The following CAMKMT variants were observed in gnomAD, a reference collection of about 807,000 sequenced individuals.
CAMKMT encodes the protein calmodulin-lysine N-methyltransferase.
In CAMKMT, 53 loss-of-function variants were observed where a neutral mutation model predicts 48.0. The ratio of observed to expected loss-of-function variants is 1.10; its 90% CI spans 0.89 to 1.39. The LOEUF (loss-of-function observed/expected upper bound fraction) is 1.39, where lower values mean the gene tolerates loss of function less well. CAMKMT is among the 40% of genes most tolerant of loss of function. The probability of loss-of-function intolerance (pLI) is 0.00; values close to 1 mark genes in which losing one functional copy is unlikely to be tolerated. For synonymous variants in CAMKMT, 165 were observed against 152.3 expected, an observed-to-expected ratio of 1.08 and a Z score of -0.61; for missense variants, 428 against 402.7, an observed-to-expected ratio of 1.06 and a Z score of -0.54.
chr2:44,715,129 G>A (rs570188554), intron 6 of CAMKMT, among the ~76,000 whole-genome samples, 158 bp from the exon 7 acceptor site: 5 of 151,304 alleles, frequency 3.3e-5, no homozygotes, highest in Admixed American at 1.3e-4. Flanking sequence ...GGAGGTAGAG[G>A]GTGCAGTGAG....
intron 3 of CAMKMT, among the ~76,000 whole-genome samples, chr2:44,584,992 T>C (rs1448430326): frequency 6.6e-6 from 1 of 151,512 alleles, no homozygotes; most frequent in Non-Finnish European, 1.5e-5. Context: ...GAGGCGGAGG[T>C]TGCAGTGAGC....
At chr2:44,573,029 G>A (rs895293552) in intron 3 of CAMKMT, among the ~76,000 whole-genome samples, 4 of 151,702 alleles carry the variant, frequency 2.6e-5, no homozygotes, top group Non-Finnish European at 5.9e-5. Context: ...CTTTTCGTGT[G>A]CTGCTATTAC....
chr2:44,424,022 G>A (rs532257701), intron 3 of CAMKMT, among the ~76,000 whole-genome samples: 34 of 152,096 alleles, frequency 2.2e-4, no homozygotes, highest in Non-Finnish European at 2.5e-4. Flanking sequence ...TGAATAATTA[G>A]CATGTATATT....
chr2:44,428,454 T>G (rs1572851002), intron 3 of CAMKMT, among the ~76,000 whole-genome samples: 1 of 152,086 alleles, frequency 6.6e-6, no homozygotes, highest in South Asian at 2.1e-4. Flanking sequence ...TGATAGGAAG[T>G]GTGGGGGGCA....
intron 3 of CAMKMT, among the ~76,000 whole-genome samples, chr2:44,445,973 A>G (rs989560534): frequency 2.0e-4 from 31 of 152,114 alleles, no homozygotes; most frequent in Admixed American, 9.2e-4. Flanking sequence ...AGCAGTTAAG[A>G]TCTGTCTTCA....
intron 1 of CAMKMT, among the ~76,000 whole-genome samples, chr2:44,366,296 C>G (rs530598481): frequency 1.3e-5 from 2 of 152,348 alleles, no homozygotes; most frequent in African/African-American, 4.8e-5. Context: ...CAACTTGACA[C>G]TGGCGTCAGA....
intron 3 of CAMKMT, among the ~76,000 whole-genome samples, chr2:44,466,858 A>C (rs536894721): frequency 6.6e-6 from 1 of 152,214 alleles, no homozygotes; most frequent in African/African-American, 2.4e-5. Context: ...GAAAAGGACT[A>C]TAAGAGACTA....
chr2:44,456,473 T>C (rs1206165101), intron 3 of CAMKMT: 3 of 1,448,270 alleles, frequency 2.1e-6, no homozygotes, highest in East Asian at 5.0e-5. Context: ...AATATGTACA[T>C]TCTTGTGAAA....
chr2:44,529,784 C>T (rs1666383270), intron 3 of CAMKMT, among the ~76,000 whole-genome samples: 2 of 152,114 alleles, frequency 1.3e-5, no homozygotes, highest in Admixed American at 6.6e-5. Context: ...TTTCCAGTAA[C>T]TAAAAGGTTT....
chr2:44,394,425 GA>G (rs1572742512), intron 3 of CAMKMT, among the ~76,000 whole-genome samples: 1 of 16,604 alleles, frequency 6.0e-5, no homozygotes, highest in East Asian at 4.1e-4. Flanking sequence ...TTCTAAGACT[GA>G]CCAGGATTTT....
At chr2:44,583,769 C>G (rs1255877524) in intron 3 of CAMKMT, among the ~76,000 whole-genome samples, 1 of 151,952 alleles carries the variant, frequency 6.6e-6, no homozygotes, top group Admixed American at 6.6e-5. Flanking sequence ...GCACCGCATC[C>G]TGGGCAACAG....
At chr2:44,507,651 C>G (rs1037828876) in intron 3 of CAMKMT, among the ~76,000 whole-genome samples, 12 of 152,102 alleles carry the variant, frequency 7.9e-5, no homozygotes, top group African/African-American at 2.4e-4. Flanking sequence ...TATAAGCACT[C>G]TACATGTTTC....
At chr2:44,582,690 T>A (rs1480600769) in intron 3 of CAMKMT, among the ~76,000 whole-genome samples, 1 of 152,216 alleles carries the variant, frequency 6.6e-6, no homozygotes, top group African/African-American at 2.4e-5. Context: ...AAGTGACTGA[T>A]CTCTTACCCA....
rs189122145 is a variant in CAMKMT at position 44,520,773 on chromosome 2, A to C, written c.376+130468A>C. ...CAAGTGTCAAGGTAGGGACAGGTGG[A>C]GGTAATTGGATCATGGGGGCAGTTC... On this transcript the variant is annotated intron_variant, in intron 3 of 10. Transcript: ENST00000378494. 8.5e-5 allele frequency among the ~76,000 whole-genome samples: 13 copies of C among 152,268 alleles called. No homozygotes were observed. In the South Asian group the frequency reaches 2.5e-3, roughly 29 times the overall value.
Position 44,574,768 on chromosome 2 carries a change from T to A in CAMKMT, c.377-129515T>A, listed in dbSNP as rs980057681. 9.9e-5 allele frequency among the ~76,000 whole-genome samples: 15 copies of A among 151,908 alleles called. 1 individual carries two copies. In the East Asian group the frequency reaches 2.7e-3, roughly 27 times the overall value. On this transcript the variant is annotated intron_variant, in intron 3 of 10. Transcript: ENST00000378494. ...AATTAATTAATTAATTGAGATGGAG[T>A]CTAGCTCTGTCTGCCAGGCTAGAGT...
intron 7 of CAMKMT, among the ~76,000 whole-genome samples, chr2:44,739,670 A>G (rs1679562792): frequency 6.6e-6 from 1 of 151,560 alleles, no homozygotes; most frequent in Admixed American, 6.6e-5. Context: ...ATCTTTGGTG[A>G]GTTTGACAGC....
At chr2:44,702,183 A>G (rs545553736) in intron 3 of CAMKMT, among the ~76,000 whole-genome samples, 2 of 152,152 alleles carry the variant, frequency 1.3e-5, no homozygotes, top group Non-Finnish European at 2.9e-5. Context: ...AGTGGTGATT[A>G]TGTTCACTTG....
At chr2:44,380,640 A>G (rs1451964637) in intron 2 of CAMKMT, among the ~76,000 whole-genome samples, 2 of 152,246 alleles carry the variant, frequency 1.3e-5, no homozygotes, top group Non-Finnish European at 2.9e-5. Flanking sequence ...CTATATTGAT[A>G]GCAGTTTTCC....
chr2:44,629,831 T>A (rs565035541), intron 3 of CAMKMT, among the ~76,000 whole-genome samples: 1 of 152,226 alleles, frequency 6.6e-6, no homozygotes, highest in Admixed American at 6.5e-5. Flanking sequence ...CAAGGTAATT[T>A]ATAGATTCAA....
Sources: allele counts gnomAD v4.1 joint callset (sites outside exome capture counted in the v4.1 genomes callset), GRCh38; gene constraint gnomAD v4.1.1; transcripts MANE v1.5; gene names NCBI Gene and HGNC (gene_info 2026-07-23, HGNC 2026-07-21).